The following PPP3CA variants were observed in gnomAD, a reference collection of about 807,000 sequenced individuals.
PPP3CA encodes the protein protein phosphatase 3 catalytic subunit alpha.
Under a neutral mutation model 66.5 loss-of-function variants are expected in PPP3CA, and 14 were observed. The observed-to-expected ratio is 0.21, with a 90% CI of 0.14 to 0.33. The LOEUF (loss-of-function observed/expected upper bound fraction) is 0.33. PPP3CA is among the 10% of genes least tolerant of loss of function. PPP3CA has a pLI of 1.00. For missense variants in PPP3CA, 317 were observed against 639.5 expected, an observed-to-expected ratio of 0.50 and a Z score of 5.44; for synonymous variants, 232 against 226.2, an observed-to-expected ratio of 1.03 and a Z score of -0.23.
At chr4:101,221,579 A>C (rs1436855113) in intron 1 of PPP3CA, among the ~76,000 whole-genome samples, 1 of 151,646 alleles carries the variant, frequency 6.6e-6, no homozygotes, top group African/African-American at 2.4e-5. Context: ...AAACAAAACA[A>C]AACAAAATAA....
intron 2 of PPP3CA, among the ~76,000 whole-genome samples, chr4:101,173,257 A>G (rs1174898869): frequency 2.6e-5 from 4 of 152,148 alleles, no homozygotes; most frequent in African/African-American, 7.2e-5. Flanking sequence ...GTACATTTCA[A>G]TGAGGAATAG....
At chr4:101,032,556 G>A (rs1228961195) in intron 11 of PPP3CA, among the ~76,000 whole-genome samples, 192 bp from the exon 12 acceptor site, 1 of 151,666 alleles carries the variant, frequency 6.6e-6, no homozygotes, top group Non-Finnish European at 1.5e-5. Context: ...TTCCATAAAC[G>A]ATTGCTACCA....
Position 101,300,686 on chromosome 4 carries a change from G to A in PPP3CA, c.58+46053C>T, listed in dbSNP as rs532469889. ...GTGACACACGCCTGCAGTTTCAGCT[G>A]CTCGAGAAGCTGGGGCACAAGAATC... is the stretch of plus-strand genomic sequence containing the variant. On this transcript the variant is annotated intron_variant, in intron 1 of 13. Coordinates refer to ENST00000394854, the MANE Select transcript of PPP3CA (RefSeq NM_000944.5). 2.6e-5 allele frequency among the ~76,000 whole-genome samples: 4 copies of A among 152,164 alleles called. No homozygotes were observed. The South Asian group carries it at 8.3e-4, about 32-fold the overall frequency.
At position 101,273,230 on chromosome 4, in the gene PPP3CA, C is replaced by G. The variant is rs1340044605; in HGVS notation, c.58+73509G>C. 2.6e-5 allele frequency among the ~76,000 whole-genome samples: 4 copies of G among 152,140 alleles called. No individual in the cohort carries two copies. The East Asian group carries it at 5.8e-4, about 22-fold the overall frequency. ...CCTGTACCAAATGGTTTCTATTACT[C>G]TTAAAGAATTAACACATTTTTCATT... On this transcript the variant is annotated intron_variant, in intron 1 of 13. Transcript: ENST00000394854.
chr4:101,208,723 G>A lies in PPP3CA; in HGVS notation c.59-12607C>T, dbSNP rs138730399. Among the ~76,000 whole-genome samples the A allele has an allele frequency of 4.5e-3, 691 of 152,188 alleles. 11 individuals are homozygous for A. The highest frequency in any genetic ancestry group is 0.015 in the African/African-American group (640 of 41,512). ...GATACATGTCTTATGTGATTTCAGT[G>A]AAATATATCATTTCTTGTTTATGGC... On this transcript the variant is annotated intron_variant, in intron 1 of 13. Coordinates refer to ENST00000394854, the MANE Select transcript of PPP3CA (RefSeq NM_000944.5).
At chr4:101,173,685 A>C (rs1560640341) in intron 2 of PPP3CA, among the ~76,000 whole-genome samples, 1 of 152,176 alleles carries the variant, frequency 6.6e-6, no homozygotes, top group Non-Finnish European at 1.5e-5. Context: ...AATCAAAAAA[A>C]TTCCTGATTT....
intron 1 of PPP3CA, among the ~76,000 whole-genome samples, chr4:101,304,569 A>G (rs572762601): frequency 2.0e-5 from 3 of 152,336 alleles, no homozygotes; most frequent in African/African-American, 7.2e-5. Flanking sequence ...AATGTTATGT[A>G]AAGTGTTCAA....
chr4:101,213,792 C>A (rs894652757), intron 1 of PPP3CA, among the ~76,000 whole-genome samples: 1 of 152,052 alleles, frequency 6.6e-6, no homozygotes, highest in Non-Finnish European at 1.5e-5. Context: ...AGTCTTGACT[C>A]CAAATCCCAT....
rs1560623311 is a variant in PPP3CA at position 101,140,658 on chromosome 4, T to A, written c.260-31580A>T. ...ACTCAAAGTCCTTTTTTTGAAGTCA[T>A]TTTTGGCAAAAGTCAAATGTATCTG... On this transcript the variant is annotated intron_variant, in intron 2 of 13. Coordinates refer to ENST00000394854, the MANE Select transcript of PPP3CA (RefSeq NM_000944.5). 2.6e-5 allele frequency among the ~76,000 whole-genome samples: 4 copies of A among 152,314 alleles called. 1 individual carries two copies. The South Asian group carries it at 8.3e-4, about 32-fold the overall frequency.
chr4:101,030,674 C>CGTAA (rs1385937954), intron 12 of PPP3CA, among the ~76,000 whole-genome samples: 5 of 152,026 alleles, frequency 3.3e-5, no homozygotes, highest in Admixed American at 6.6e-5. Context: ...ACTTAAGTAA[C>CGTAA]GTAAGTTTAA....
intron 2 of PPP3CA, among the ~76,000 whole-genome samples, chr4:101,130,640 C>G (rs1722398755): frequency 6.6e-6 from 1 of 151,654 alleles, no homozygotes; most frequent in Admixed American, 6.6e-5. Flanking sequence ...AATTTTATAT[C>G]CAGCCTCATA....
intron 1 of PPP3CA, among the ~76,000 whole-genome samples, chr4:101,233,108 A>G (rs1018377731): frequency 3.1e-4 from 47 of 151,806 alleles, no homozygotes; most frequent in African/African-American, 1.1e-3. Context: ...CACTACACCT[A>G]AAGTATAAAA....
intron 1 of PPP3CA, among the ~76,000 whole-genome samples, chr4:101,287,922 C>G (rs1457807384): frequency 6.6e-6 from 1 of 151,932 alleles, no homozygotes; most frequent in Non-Finnish European, 1.5e-5. Flanking sequence ...TTTTCAACAA[C>G]CCAATTCCTG....
intron 13 of PPP3CA, 142 bp from the exon 14 acceptor site, chr4:101,026,203 C>A: frequency 1.6e-6 from 1 of 643,228 alleles, no homozygotes; most frequent in Non-Finnish European, 2.6e-6. Flanking sequence ...GACCTGCACA[C>A]CACACAACAG....
At chr4:101,233,366 C>A (rs899729564) in intron 1 of PPP3CA, among the ~76,000 whole-genome samples, 1 of 151,746 alleles carries the variant, frequency 6.6e-6, no homozygotes, top group East Asian at 1.9e-4. Flanking sequence ...CGCTCTTTGA[C>A]ATAGCAAGCT....
At chr4:101,324,747 T>G (rs2110326693) in intron 1 of PPP3CA, among the ~76,000 whole-genome samples, 1 of 151,268 alleles carries the variant, frequency 6.6e-6, no homozygotes, top group Non-Finnish European at 1.5e-5. Flanking sequence ...TACTGCCAAG[T>G]GAGGTAAGAA....
rs1726539336 is a variant in PPP3CA at position 101,024,575 on chromosome 4, A to G, written c.*1290T>C. 6.5e-6 allele frequency: 1 copy of G among 152,682 alleles called. No homozygotes were observed. The highest frequency in any genetic ancestry group is 2.4e-5 in the African/African-American group (1 of 41,464). The allele number at this position is 152,682 out of a possible 1,614,324, so 9.5% of individuals were successfully genotyped here. On this transcript the variant is annotated 3_prime_UTR_variant, in exon 14 of 14. Transcript: ENST00000394854. ...ACAAAGGGAAAAAAGTGAAAAAAGT[A>G]CATATTTTGTGGCACATGACAGAAC...
intron 7 of PPP3CA, among the ~76,000 whole-genome samples, chr4:101,082,711 C>A (rs894459496): frequency 1.3e-5 from 2 of 152,166 alleles, no homozygotes; most frequent in Non-Finnish European, 2.9e-5. Context: ...CTATTCCTTT[C>A]CCTTTAAAAT....
Position 101,029,203 on chromosome 4 carries a change from G to GAAGAA in PPP3CA, c.1340-13_1340-9dup. 1 of 1,607,256 alleles carries GAAGAA rather than the reference G, an allele frequency of 6.2e-7. No homozygotes were observed. Among genetic ancestry groups the GAAGAA allele is most frequent in the Non-Finnish European group, 8.5e-7 (1 of 1,174,036 alleles). ...CAATAGCCTCAACAGTAGCTGAAGA[G>GAAGAA]AAGAAAGGGGGTGCAAAATGAATGA... On this transcript the variant is annotated splice_polypyrimidine_tract_variant and intron_variant, in intron 12 of 13. Coordinates refer to ENST00000394854, the MANE Select transcript of PPP3CA (RefSeq NM_000944.5).
Sources: allele counts gnomAD v4.1 joint callset (sites outside exome capture counted in the v4.1 genomes callset), GRCh38; gene constraint gnomAD v4.1.1; transcripts MANE v1.5; gene names NCBI Gene and HGNC (gene_info 2026-07-23, HGNC 2026-07-21).